The following NR6A1 variants were observed in gnomAD, a reference collection of about 807,000 sequenced individuals.
NR6A1 encodes retinoic acid receptor-related testis-associated receptor.
In NR6A1, 7 loss-of-function variants were observed where a neutral mutation model predicts 59.1. That is an observed-to-expected ratio of 0.12 (90% CI 0.07 to 0.22). The LOEUF (loss-of-function observed/expected upper bound fraction) is 0.22, where lower values mean the gene tolerates loss of function less well. NR6A1 is among the 10% of genes least tolerant of loss of function. The pLI, the probability that NR6A1 is intolerant of heterozygous loss-of-function variation, is 1.00. For synonymous variants in NR6A1, 243 were observed against 236.1 expected (o/e 1.03, Z -0.27); for missense variants, 468 against 611.6 (o/e 0.77, Z 2.48).
Position 124,522,511 on chromosome 9 carries a change from C to A in NR6A1, c.*194G>T. The A allele has an allele frequency of 2.2e-6, 1 of 448,970 alleles. No homozygotes were observed. Among genetic ancestry groups the A allele is most frequent in the Non-Finnish European group, 4.1e-6 (1 of 243,000 alleles). The allele number at this position is 448,970 out of a possible 1,614,324, so 27.8% of individuals were successfully genotyped here. On this transcript the variant is annotated 3_prime_UTR_variant, in exon 10 of 10. Transcript: ENST00000487099. ...ATCATGTTGAAGGCCATACATTCAA[C>A]TCTGTCGTGAAATAAATATATAGAA...
chr9:124,600,113 G>C (rs1311939606), intron 2 of NR6A1, among the ~76,000 whole-genome samples: 4 of 152,188 alleles, frequency 2.6e-5, no homozygotes, highest in Non-Finnish European at 5.9e-5. Context: ...CATTCTCAAG[G>C]AGAGGGACTT....
intron 2 of NR6A1, among the ~76,000 whole-genome samples, chr9:124,584,126 C>T (rs573407576): frequency 6.3e-4 from 91 of 145,508 alleles, no homozygotes; most frequent in Non-Finnish European, 1.1e-3. Context: ...GACAGAGTCT[C>T]ACTCTGTCAC....
At chr9:124,666,794 C>T (rs1462398175) in intron 2 of NR6A1, among the ~76,000 whole-genome samples, 1 of 152,094 alleles carries the variant, frequency 6.6e-6, no homozygotes, top group Non-Finnish European at 1.5e-5. Context: ...GTGTTGTACT[C>T]GGGCACTATA....
At chr9:124,582,405 G>C (rs977466033) in intron 2 of NR6A1, among the ~76,000 whole-genome samples, 1 of 152,088 alleles carries the variant, frequency 6.6e-6, no homozygotes, top group Non-Finnish European at 1.5e-5. Context: ...ACACACACTG[G>C]GGCTTACCAG....
At position 124,524,703 on chromosome 9, in the gene NR6A1, C is replaced by G; in HGVS notation, c.1354+18G>C. On this transcript the variant is annotated intron_variant, in intron 9 of 9. Transcript: ENST00000487099. The stretch of plus-strand genomic sequence containing the variant: ...GAGAAGCAAGGAAGGGTTGGGAGCC[C>G]AAGACCCAGAATGTTACCTGCAATA... The G allele has an allele frequency of 6.2e-7, 1 of 1,611,184 alleles. No individual in the cohort carries two copies. The highest frequency in any genetic ancestry group is 8.5e-7 in the Non-Finnish European group (1 of 1,178,298).
intron 1 of NR6A1, among the ~76,000 whole-genome samples, chr9:124,754,819 A>G (rs1442042733): frequency 6.6e-6 from 1 of 152,172 alleles, no homozygotes; most frequent in African/African-American, 2.4e-5. Flanking sequence ...ATTAACTCAG[A>G]AACTTTTGTA....
chr9:124,698,467 G>A (rs1490484291), intron 2 of NR6A1: 1 of 152,110 alleles, frequency 6.6e-6, no homozygotes, highest in East Asian at 1.9e-4. Flanking sequence ...CACTTTGGAG[G>A]ACAGATAAGT....
chr9:124,560,829 G>A (rs549778566), intron 2 of NR6A1, among the ~76,000 whole-genome samples: 109 of 152,286 alleles, frequency 7.2e-4, no homozygotes, highest in African/African-American at 2.3e-3. Flanking sequence ...CCACAGTGCT[G>A]GGATTACAGG....
chr9:124,711,089 T>C (rs1383157604), intron 2 of NR6A1, among the ~76,000 whole-genome samples: 1 of 151,274 alleles, frequency 6.6e-6, no homozygotes, highest in Non-Finnish European at 1.5e-5. Context: ...TCCAAGCCTA[T>C]TTGTACATAA....
chr9:124,536,773 G>A (rs1189353446), intron 6 of NR6A1, among the ~76,000 whole-genome samples: 1 of 152,062 alleles, frequency 6.6e-6, no homozygotes, highest in African/African-American at 2.4e-5. Context: ...TCCTGTTCAA[G>A]TTCTGGCAAT....
At chr9:124,570,182 C>T (rs1033553573) in intron 2 of NR6A1, among the ~76,000 whole-genome samples, 5 of 152,158 alleles carry the variant, frequency 3.3e-5, no homozygotes, top group African/African-American at 7.2e-5. Flanking sequence ...ATTGACTATT[C>T]CCCTAGCTGC....
intron 2 of NR6A1, among the ~76,000 whole-genome samples, chr9:124,677,825 T>C (rs1215553927): frequency 6.6e-6 from 1 of 152,162 alleles, no homozygotes; most frequent in Non-Finnish European, 1.5e-5. Flanking sequence ...TGCCAATGTC[T>C]ATTTCAATCA....
At chr9:124,605,702 A>G (rs1835559076) in intron 2 of NR6A1, among the ~76,000 whole-genome samples, 1 of 152,226 alleles carries the variant, frequency 6.6e-6, no homozygotes, top group Non-Finnish European at 1.5e-5. Flanking sequence ...TTCAAAATAA[A>G]ATGGAAAATG....
chr9:124,767,539 G>A (rs1009680526), intron 1 of NR6A1, among the ~76,000 whole-genome samples: 1 of 151,076 alleles, frequency 6.6e-6, no homozygotes, highest in Non-Finnish European at 1.5e-5. Context: ...AGAAAAACCT[G>A]CGTGCTGTAT....
At chr9:124,559,071 G>C (rs183769826) in intron 2 of NR6A1, among the ~76,000 whole-genome samples, 1 of 152,176 alleles carries the variant, frequency 6.6e-6, no homozygotes, top group Admixed American at 6.5e-5. Context: ...AACAGTCAAT[G>C]AGCACCAACT....
chr9:124,679,170 A>T (rs1838048132), intron 2 of NR6A1, among the ~76,000 whole-genome samples: 1 of 152,204 alleles, frequency 6.6e-6, no homozygotes, highest in South Asian at 2.1e-4. Flanking sequence ...TTATATATAC[A>T]TGTTACTCTT....
chr9:124,672,295 T>C (rs1189923423), intron 2 of NR6A1, among the ~76,000 whole-genome samples: 1 of 152,210 alleles, frequency 6.6e-6, no homozygotes, highest in Non-Finnish European at 1.5e-5. Context: ...GCACACATTA[T>C]GCATTTTTGT....
chr9:124,635,121 A>G (rs10760369), intron 2 of NR6A1, among the ~76,000 whole-genome samples: 93,903 of 151,972 alleles, frequency 0.62, 30,480 homozygotes, highest in African/African-American at 0.83. Flanking sequence ...ATTACAAAGA[A>G]TAGCTTTACT....
Position 124,526,761 on chromosome 9 carries a change from C to T in NR6A1, c.1201+18G>A, listed in dbSNP as rs779817599. Reference sequence around the variant, plus strand: ...CTCCCGCACTGCAAACGTCCCTTTTCCCACCCCAGCCACTCACCTTGATTT... The same window carrying T: ...CTCCCGCACTGCAAACGTCCCTTTTTCCACCCCAGCCACTCACCTTGATTT... On this transcript the variant is annotated intron_variant, in intron 8 of 9. Transcript: ENST00000487099. 2 of 1,612,112 alleles carry T rather than the reference C, an allele frequency of 1.2e-6. No individual in the cohort carries two copies. Among genetic ancestry groups the T allele is most frequent in the South Asian group, 1.1e-5 (1 of 90,962 alleles).
Sources: gnomAD v4.1 joint callset for allele counts (sites outside exome capture counted in the v4.1 genomes callset) on GRCh38, gnomAD v4.1.1 for gene constraint, MANE v1.5 for transcripts, NCBI Gene and HGNC (gene_info 2026-07-23, HGNC 2026-07-21) for gene names.